Variants in SORCS2 observed in about 807,000 individuals in gnomAD.
SORCS2 encodes the protein VPS10 domain-containing receptor SorCS2.
A neutral mutation model predicts 141.6 loss-of-function variants in SORCS2; 100 were observed. That is an observed-to-expected ratio of 0.71 (90% CI 0.60 to 0.83). The LOEUF is 0.83. Ranked by LOEUF, SORCS2 falls within the 40% of genes least tolerant of loss-of-function variation. The pLI, the probability that SORCS2 is intolerant of heterozygous loss-of-function variation, is 0.00. For missense variants in SORCS2, 1,646 were observed against 1,560.2 expected (o/e 1.05, Z -0.93); for synonymous variants, 789 against 676.9 (o/e 1.17, Z -2.57).
chr4:7,333,943 C>T (rs571871842), intron 1 of SORCS2, among the ~76,000 whole-genome samples: 1 of 152,136 alleles, frequency 6.6e-6, no homozygotes, highest in Non-Finnish European at 1.5e-5. Context: ...CCCGCTTCTC[C>T]CATCTCTGCC....
chr4:7,697,335 C>T, intron 12 of SORCS2, 61 bp downstream of exon 12: 2 of 1,377,478 alleles, frequency 1.5e-6, no homozygotes, highest in East Asian at 5.0e-5. Flanking sequence ...CCTCAGGAGA[C>T]ACTTCTGTTC....
chr4:7,643,362 T>G (rs1720863244), intron 4 of SORCS2, among the ~76,000 whole-genome samples: 1 of 152,230 alleles, frequency 6.6e-6, no homozygotes, highest in South Asian at 2.1e-4. Flanking sequence ...CTGTGCCTGG[T>G]CTTCAGACCT....
intron 1 of SORCS2, among the ~76,000 whole-genome samples, chr4:7,389,585 C>T (rs1411964551): frequency 6.6e-6 from 1 of 152,174 alleles, no homozygotes; most frequent in Non-Finnish European, 1.5e-5. Flanking sequence ...CCCTGTGTGC[C>T]GGCCCTGGTG....
In SORCS2 at chr4:7,725,054, T is replaced by G. The variant is rs76540774; in HGVS notation, c.2612-100T>G. Reference sequence around the variant, plus strand: ...ATGATAGTGGTAGTGGTGGTGGTGATGATAGCAATGAAGTTGCTGGTGACA... The same window carrying G: ...ATGATAGTGGTAGTGGTGGTGGTGAGGATAGCAATGAAGTTGCTGGTGACA... On this transcript the variant is annotated intron_variant, in intron 19 of 26. Transcript: ENST00000507866. 3.5e-4 allele frequency: 457 copies of G among 1,295,988 alleles called. 1 individual carries two copies. The East Asian group carries it at 7.4e-3, about 21-fold the overall frequency. 80.3% of individuals were successfully genotyped at this position (1,295,988 alleles called of 1,614,324 possible).
At chr4:7,477,134 T>TG (rs1730346991) in intron 2 of SORCS2, among the ~76,000 whole-genome samples, 1 of 152,210 alleles carries the variant, frequency 6.6e-6, no homozygotes, top group Non-Finnish European at 1.5e-5. Context: ...GAGGGGGCTC[T>TG]GTGGGGCTGA....
chr4:7,628,094 G>C (rs1218079658), intron 3 of SORCS2, among the ~76,000 whole-genome samples: 1 of 152,242 alleles, frequency 6.6e-6, no homozygotes, highest in Non-Finnish European at 1.5e-5. Flanking sequence ...CTTGGGGGTA[G>C]AGTCTAAGGG....
At chr4:7,451,444 C>G (rs901467388) in intron 2 of SORCS2, among the ~76,000 whole-genome samples, 1 of 152,224 alleles carries the variant, frequency 6.6e-6, no homozygotes, top group African/African-American at 2.4e-5. Context: ...CAGATATCCA[C>G]GAGGCACACC....
At chr4:7,727,436 C>CG (rs1263511564) in intron 21 of SORCS2, among the ~76,000 whole-genome samples, 1 of 152,120 alleles carries the variant, frequency 6.6e-6, no homozygotes, top group African/African-American at 2.4e-5. Flanking sequence ...GACCCCCCCC[C>CG]CCCTTGTCAA....
At chr4:7,418,702 A>G (rs866317395) in intron 2 of SORCS2, among the ~76,000 whole-genome samples, 1 of 95,648 alleles carries the variant, frequency 1.0e-5, no homozygotes, top group Non-Finnish European at 2.2e-5. Context: ...GTAACAAATG[A>G]CCCCCCCCCC....
chr4:7,515,215 G>C (rs1329344553), intron 2 of SORCS2, among the ~76,000 whole-genome samples: 1 of 152,338 alleles, frequency 6.6e-6, no homozygotes, highest in East Asian at 1.9e-4. Context: ...GGTCCAGTGA[G>C]TACAGTGGCC....
intron 1 of SORCS2, among the ~76,000 whole-genome samples, chr4:7,392,992 GC>G (rs1343832912): frequency 5.9e-5 from 9 of 152,118 alleles, no homozygotes; most frequent in Non-Finnish European, 8.8e-5. Flanking sequence ...TGGCTCCCTG[GC>G]CCATTTGGTG....
chr4:7,519,006 G>A (rs534323052), intron 2 of SORCS2, among the ~76,000 whole-genome samples: 11 of 152,252 alleles, frequency 7.2e-5, no homozygotes, highest in East Asian at 3.9e-4. Flanking sequence ...TGGCAGCCTC[G>A]GGCTTGCAGG....
intron 1 of SORCS2, among the ~76,000 whole-genome samples, chr4:7,297,453 C>T (rs973061095): frequency 2.6e-4 from 39 of 152,100 alleles, no homozygotes; most frequent in Non-Finnish European, 4.6e-4. Flanking sequence ...GGTGGGGGAT[C>T]GGAAGAGCTC....
At chr4:7,477,002 T>A (rs908559154) in intron 2 of SORCS2, among the ~76,000 whole-genome samples, 2 of 152,194 alleles carry the variant, frequency 1.3e-5, no homozygotes, top group African/African-American at 4.8e-5. Context: ...CTCCTTTATG[T>A]CACCCCCAGG....
chr4:7,431,936 A>C (rs1314112323), intron 2 of SORCS2: 1 of 152,254 alleles, frequency 6.6e-6, no homozygotes, highest in Non-Finnish European at 1.5e-5. Flanking sequence ...GCCTCAGGTG[A>C]AATACCAGCT....
intron 2 of SORCS2, among the ~76,000 whole-genome samples, chr4:7,512,099 C>G (rs1732691283): frequency 6.6e-6 from 1 of 152,188 alleles, no homozygotes; most frequent in African/African-American, 2.4e-5. Flanking sequence ...ACCTAGTTAA[C>G]AGGTCCTGGG....
intron 1 of SORCS2, among the ~76,000 whole-genome samples, chr4:7,296,317 T>A (rs1717048423): frequency 6.6e-6 from 1 of 152,258 alleles, no homozygotes; most frequent in Non-Finnish European, 1.5e-5. Context: ...CTCTCTGGCC[T>A]CAGTGGTGAG....
chr4:7,241,483 C>G (rs1373463421), intron 1 of SORCS2, among the ~76,000 whole-genome samples: 9 of 152,158 alleles, frequency 5.9e-5, no homozygotes, highest in Non-Finnish European at 8.8e-5. Context: ...TGAGTCCCTC[C>G]TCTTCACTCA....
At chr4:7,196,091 C>T (rs1346627425) in intron 1 of SORCS2, among the ~76,000 whole-genome samples, 4 of 152,220 alleles carry the variant, frequency 2.6e-5, no homozygotes, top group Admixed American at 6.5e-5. Flanking sequence ...TTCCTTCCAA[C>T]GGCTTGGTTC....
Sources: gnomAD v4.1 joint callset for allele counts (sites outside exome capture counted in the v4.1 genomes callset) on GRCh38, gnomAD v4.1.1 for gene constraint, MANE v1.5 for transcripts, NCBI Gene and HGNC (gene_info 2026-07-23, HGNC 2026-07-21) for gene names.